RIN2: variants seen among roughly 807,000 people sequenced by gnomAD.
The protein encoded by RIN2 is RAB5 interacting protein 2.
Under a neutral mutation model 78.0 loss-of-function variants are expected in RIN2, and 36 were observed. The ratio of observed to expected loss-of-function variants is 0.46; its 90% CI spans 0.35 to 0.61. RIN2 has a LOEUF of 0.61. Ranked by LOEUF, RIN2 falls within the 20% of genes least tolerant of loss-of-function variation. RIN2 has a pLI of 0.00. For synonymous variants in RIN2, 466 were observed against 466.8 expected (o/e 1.00, Z 0.02); for missense variants, 1,087 against 1,159.7 (o/e 0.94, Z 0.91).
intron 3 of RIN2, among the ~76,000 whole-genome samples, chr20:19,891,713 G>C (rs1871311469): frequency 6.6e-6 from 1 of 150,946 alleles, no homozygotes; most frequent in Non-Finnish European, 1.5e-5. Context: ...CAGCTACTTA[G>C]GAGGCTGAAG....
intron 1 of RIN2, among the ~76,000 whole-genome samples, chr20:19,760,484 C>T (rs1341565554): frequency 6.6e-6 from 1 of 152,172 alleles, no homozygotes; most frequent in African/African-American, 2.4e-5. Flanking sequence ...GATAACTTCG[C>T]AGCAGCACTC....
chr20:19,819,451 G>A (rs2122883600), intron 2 of RIN2, among the ~76,000 whole-genome samples: 1 of 152,254 alleles, frequency 6.6e-6, no homozygotes, highest in Admixed American at 6.5e-5. Context: ...TTTAACACAG[G>A]TATTCACAAA....
intron 2 of RIN2, among the ~76,000 whole-genome samples, chr20:19,852,764 G>T (rs1009492939): frequency 6.6e-6 from 1 of 152,082 alleles, no homozygotes; most frequent in Non-Finnish European, 1.5e-5. Context: ...AAGCCATATT[G>T]GGAATTAAGG....
intron 2 of RIN2, among the ~76,000 whole-genome samples, chr20:19,806,159 T>C (rs1301841805): frequency 6.6e-6 from 1 of 152,214 alleles, no homozygotes; most frequent in Non-Finnish European, 1.5e-5. Flanking sequence ...TTTGCTATTG[T>C]GAACAGTGCT....
chr20:19,862,971 C>T (rs1200740130), intron 2 of RIN2, among the ~76,000 whole-genome samples: 1 of 152,196 alleles, frequency 6.6e-6, no homozygotes, highest in Non-Finnish European at 1.5e-5. Flanking sequence ...CATGTTCCTC[C>T]CTCTTGGCAT....
chr20:19,758,968 G>T (rs1287871808), intron 1 of RIN2, among the ~76,000 whole-genome samples: 1 of 152,238 alleles, frequency 6.6e-6, no homozygotes, highest in Non-Finnish European at 1.5e-5. Flanking sequence ...TGGCTGCGCA[G>T]CGGGCGGAGG....
intron 2 of RIN2, among the ~76,000 whole-genome samples, chr20:19,852,793 C>T (rs6136859): frequency 0.38 from 58,526 of 152,068 alleles, 12,903 homozygotes; most frequent in East Asian, 0.77. Flanking sequence ...ATGCCACAGT[C>T]ACCTAGTCAC....
intron 6 of RIN2, among the ~76,000 whole-genome samples, chr20:19,961,828 C>A (rs868350179): frequency 1.3e-5 from 2 of 152,090 alleles, no homozygotes; most frequent in African/African-American, 4.8e-5. Flanking sequence ...CCCTGAAAGG[C>A]GCACAAGCAG....
intron 3 of RIN2, among the ~76,000 whole-genome samples, chr20:19,900,941 G>C (rs1006659507): frequency 1.1e-5 from 1 of 93,522 alleles, no homozygotes; most frequent in African/African-American, 4.8e-5. Flanking sequence ...CAAGAGCTCT[G>C]TCTCAAAAAA....
At chr20:19,758,821 C>T (rs1441504076) in intron 1 of RIN2, among the ~76,000 whole-genome samples, 1 of 152,154 alleles carries the variant, frequency 6.6e-6, no homozygotes, top group African/African-American at 2.4e-5. Flanking sequence ...CAGCTTTGAT[C>T]CCCAGCGCGG....
At chr20:19,970,742 A>T in intron 7 of RIN2, 96 bp from the exon 8 acceptor site, 1 of 974,542 alleles carries the variant, frequency 1.0e-6, no homozygotes, top group Non-Finnish European at 1.6e-6. Context: ...GGACATTTTA[A>T]ACAGTTTAAG....
chr20:19,898,190 T>A (rs1377576018), intron 3 of RIN2, among the ~76,000 whole-genome samples: 1 of 152,252 alleles, frequency 6.6e-6, no homozygotes, highest in African/African-American at 2.4e-5. Flanking sequence ...AAATGGTTTT[T>A]CCAGTACATT....
intron 2 of RIN2, among the ~76,000 whole-genome samples, chr20:19,811,715 A>G (rs2035606680): frequency 6.6e-6 from 1 of 152,186 alleles, no homozygotes; most frequent in Non-Finnish European, 1.5e-5. Context: ...TTTGGACACA[A>G]TCATACAGCG....
chr20:19,928,131 G>A (rs979259144), intron 3 of RIN2, among the ~76,000 whole-genome samples: 5 of 152,220 alleles, frequency 3.3e-5, no homozygotes, highest in African/African-American at 1.2e-4. Context: ...TCGAACTCCT[G>A]ACTTCAGGTC....
intron 2 of RIN2, among the ~76,000 whole-genome samples, chr20:19,833,847 G>C (rs1044766907): frequency 2.0e-5 from 3 of 152,162 alleles, no homozygotes; most frequent in Admixed American, 2.0e-4. Context: ...CCCCAGTGCA[G>C]GACCAAATCT....
chr20:19,940,162 T>C (rs1166942137), intron 4 of RIN2, among the ~76,000 whole-genome samples: 1 of 152,170 alleles, frequency 6.6e-6, no homozygotes, highest in Non-Finnish European at 1.5e-5. Flanking sequence ...TATCTGTGCA[T>C]TTCCTGCCTC....
intron 4 of RIN2, among the ~76,000 whole-genome samples, chr20:19,950,075 C>T (rs963362658): frequency 6.6e-6 from 1 of 152,162 alleles, no homozygotes; most frequent in Non-Finnish European, 1.5e-5. Flanking sequence ...CTGGTTGTCA[C>T]GAGAGCAGGA....
intron 2 of RIN2, among the ~76,000 whole-genome samples, chr20:19,850,851 G>A (rs1031173719): frequency 1.3e-5 from 2 of 152,192 alleles, no homozygotes; most frequent in Non-Finnish European, 2.9e-5. Flanking sequence ...GCACATGCCT[G>A]TAATCTCAGC....
Position 20,000,913 on chromosome 20 carries a change from G to C in RIN2, c.2665G>C (p.Glu889Gln). The C allele has an allele frequency of 1.9e-6, 3 of 1,612,110 alleles. No homozygotes were observed. The highest frequency in any genetic ancestry group is 2.5e-6 in the Non-Finnish European group (3 of 1,178,908). ...TTATGGCATCATTTTCCAGAACGGG[G>C]AAGAAGACCTCACCACCTCCTAGAA... is the stretch of plus-strand genomic sequence containing the variant. ...DPYGIIFQNGEEDLTTS is the reference protein window; with the variant it reads ...DPYGIIFQNGQEDLTTS Residue 889 changes from glutamate (E) to glutamine (Q), a missense_variant, in exon 13 of 13, where the codon GAA (glutamate) becomes CAA (glutamine). Transcript: ENST00000255006.
Sources: allele counts gnomAD v4.1 joint callset (sites outside exome capture counted in the v4.1 genomes callset), GRCh38; gene constraint gnomAD v4.1.1; transcripts MANE v1.5; gene names NCBI Gene and HGNC (gene_info 2026-07-23, HGNC 2026-07-21).